RABEP1: variants seen among roughly 807,000 people sequenced by gnomAD.
RABEP1 encodes rab GTPase-binding effector protein 1.
Under a neutral mutation model 123.4 loss-of-function variants are expected in RABEP1, and 51 were observed. The ratio of observed to expected loss-of-function variants is 0.41; its 90% CI spans 0.33 to 0.52. The LOEUF (loss-of-function observed/expected upper bound fraction) is 0.52. RABEP1 is among the 20% of genes least tolerant of loss of function. RABEP1 has a pLI of 0.16. For synonymous variants in RABEP1, 347 were observed against 355.2 expected (o/e 0.98, Z 0.26); for missense variants, 888 against 996.3 (o/e 0.89, Z 1.46).
In RABEP1 at chr17:5,385,533, A is replaced by G. The variant is rs1911885266; in HGVS notation, c.*2310A>G. 4.3e-6 allele frequency: 1 copy of G among 230,986 alleles called. No homozygotes were observed. Among genetic ancestry groups the G allele is most frequent in the Non-Finnish European group, 8.6e-6 (1 of 116,742 alleles). 14.3% of individuals were successfully genotyped at this position (230,986 alleles called of 1,614,324 possible). On this transcript the variant is annotated 3_prime_UTR_variant, in exon 18 of 18. Coordinates refer to ENST00000537505, the MANE Select transcript of RABEP1 (RefSeq NM_004703.6). ...AGATGACTTAAGGTGAAGTGAGGAC[A>G]AAATCACATTCTGCATACTAACCTA...
rs370090458 is a variant in RABEP1, at chr17:5,308,820, A to T, written c.161A>T (p.Glu54Val). The change falls in exon 2 of 18, where the codon GAG becomes GTG. Residue 54 changes from glutamate (E) to valine (V), a missense_variant and splice_region_variant. Coordinates refer to ENST00000537505, the MANE Select transcript of RABEP1 (RefSeq NM_004703.6). The part of the protein sequence containing the change: ...AKFKELYLAK[E>V]EDLKRQNAVL... ...TTTAAGGAGTTATATTTGGCTAAAG[A>T]GGGTAAGTTCATAAGTCTCGCACCA... 1.9e-6 allele frequency: 3 copies of T among 1,607,050 alleles called. No homozygotes were observed. In the African/African-American group the frequency reaches 4.0e-5, roughly 22 times the overall value.
Position 5,383,639 on chromosome 17 carries a change from G to A in RABEP1, c.*416G>A, listed in dbSNP as rs1182410251. 8.1e-6 allele frequency: 2 copies of A among 245,522 alleles called. No homozygotes were observed. The highest frequency in any genetic ancestry group is 1.4e-4 in the South Asian group (1 of 7,054). The allele number at this position is 245,522 out of a possible 1,614,324, so 15.2% of individuals were successfully genotyped here. ...TTTATCTGTTGTCTAGAGCTCATCA[G>A]TAACAGTATTCAGTTAGCAGACAGA... On this transcript the variant is annotated 3_prime_UTR_variant, in exon 18 of 18. Transcript: ENST00000537505.
rs1321734479 is a variant in RABEP1 at position 5,282,535 on chromosome 17, A to G, written c.34+15A>G. The stretch of plus-strand genomic sequence containing the variant: ...CCAGCCTGACGGTGAGGCGCCCACC[A>G]TGGCAGGCGCGGCGGGCGCGGCCTG... On this transcript the variant is annotated intron_variant, in intron 1 of 17. Transcript: ENST00000537505. The G allele has an allele frequency of 5.0e-6, 6 of 1,199,564 alleles. No individual in the cohort carries two copies. The highest frequency in any genetic ancestry group is 4.8e-5 in the African/African-American group (3 of 63,064). The allele number at this position is 1,199,564 out of a possible 1,614,324, so 74.3% of individuals were successfully genotyped here.
intron 1 of RABEP1, among the ~76,000 whole-genome samples, chr17:5,290,741 T>C (rs1246317402): frequency 1.3e-5 from 2 of 152,102 alleles, no homozygotes; most frequent in Non-Finnish European, 2.9e-5. Context: ...TACTCCGTGC[T>C]CATGACCCAG....
rs183856749 is a variant in RABEP1 at position 5,290,705 on chromosome 17, A to G, written c.34+8185A>G. Among the ~76,000 whole-genome samples, 20 of 152,168 alleles carry G rather than the reference A, an allele frequency of 1.3e-4. No homozygotes were observed. The East Asian group carries it at 3.9e-3, about 29-fold the overall frequency. On this transcript the variant is annotated intron_variant, in intron 1 of 17. Coordinates refer to ENST00000537505, the MANE Select transcript of RABEP1 (RefSeq NM_004703.6). ...CCTCCCGGGTTCAAGTGATCCTTTC[A>G]TCTCAGCCTTTGGAGTAGCTGGAAT...
At chr17:5,323,454 T>TA (rs562287619) in intron 2 of RABEP1, among the ~76,000 whole-genome samples, 151 of 152,182 alleles carry the variant, frequency 9.9e-4, no homozygotes, top group African/African-American at 3.4e-3. Context: ...TAGAAAAACT[T>TA]AAAGACACCA....
Position 5,282,329 on chromosome 17 carries a change from C to T in RABEP1, c.-158C>T, listed in dbSNP as rs1002027977. The T allele has an allele frequency of 1.2e-5, 6 of 505,948 alleles. No individual in the cohort carries two copies. Among genetic ancestry groups the T allele is most frequent in the African/African-American group, 6.0e-5 (3 of 50,162 alleles). The allele number at this position is 505,948 out of a possible 1,614,324, so 31.3% of individuals were successfully genotyped here. On this transcript the variant is annotated 5_prime_UTR_variant, in exon 1 of 18. Transcript: ENST00000537505. ...GTCGGCGGTCGGGTCCGTCTCTGCC[C>T]GCGGCTGTGGCGGCGCCGGCGGATC...
rs75869576 is a variant in RABEP1, at chr17:5,377,781, C to T, written c.2216-396C>T. ...ACCTCAGGTGATCTGCCTGCCTCGG[C>T]CTTGCAAATGCTGGGATTACAGTTG... On this transcript the variant is annotated intron_variant, in intron 14 of 17. Transcript: ENST00000537505. Among the ~76,000 whole-genome samples, 10 of 152,140 alleles carry T rather than the reference C, an allele frequency of 6.6e-5. No individual in the cohort carries two copies. In the East Asian group the frequency reaches 1.9e-3, roughly 29 times the overall value.
At chr17:5,321,061 A>G (rs145882331) in intron 2 of RABEP1, among the ~76,000 whole-genome samples, 9 of 152,224 alleles carry the variant, frequency 5.9e-5, no homozygotes, top group Non-Finnish European at 1.2e-4. Context: ...TGTAATCCCA[A>G]TATTTTGGGA....
At chr17:5,299,829 A>C (rs1329922590) in intron 1 of RABEP1, among the ~76,000 whole-genome samples, 1 of 143,522 alleles carries the variant, frequency 7.0e-6, no homozygotes, top group African/African-American at 2.6e-5. Context: ...TCCTGGGTTC[A>C]AGCGATTCTC....
At position 5,373,473 on chromosome 17, in the gene RABEP1, G is replaced by C. The variant is rs1278516837; in HGVS notation, c.2025+19G>C. ...TACAGAGGTAACTTACTTTCCACATGATCAAAAATGTCAACAAGTACGTTT... is the reference window on the plus strand; with the variant it reads ...TACAGAGGTAACTTACTTTCCACATCATCAAAAATGTCAACAAGTACGTTT... On this transcript the variant is annotated intron_variant, in intron 13 of 17. Transcript: ENST00000537505. 6.3e-7 allele frequency: 1 copy of C among 1,576,958 alleles called. No homozygotes were observed. The highest frequency in any genetic ancestry group is 2.3e-5 in the East Asian group (1 of 44,150).
chr17:5,375,944 CTTA>C (rs1910957795), intron 13 of RABEP1, among the ~76,000 whole-genome samples: 1 of 151,942 alleles, frequency 6.6e-6, no homozygotes, highest in South Asian at 2.1e-4. Context: ...GTAATCTCAG[CTTA>C]TTGCAACCTC....
In RABEP1 at chr17:5,368,365, T is replaced by A. The variant is rs1181141734; in HGVS notation, c.1786-5T>A. 1 of 1,597,790 alleles carries A rather than the reference T, an allele frequency of 6.3e-7. No homozygotes were observed. Among genetic ancestry groups the A allele is most frequent in the Non-Finnish European group, 8.6e-7 (1 of 1,169,530 alleles). ...CTATGTTTCTATACATGTGTTTTTT[T>A]AAAGATCTCTGCACTCGTCCTAAGA... On this transcript the variant is annotated splice_region_variant and splice_polypyrimidine_tract_variant and intron_variant, in intron 11 of 17. Coordinates refer to ENST00000537505, the MANE Select transcript of RABEP1 (RefSeq NM_004703.6).
intron 5 of RABEP1, among the ~76,000 whole-genome samples, chr17:5,341,599 GT>G (rs1160615904): frequency 6.6e-6 from 1 of 151,946 alleles, no homozygotes; most frequent in Non-Finnish European, 1.5e-5. Context: ...CTCTCCAACT[GT>G]TTTTATGAGA....
intron 8 of RABEP1, among the ~76,000 whole-genome samples, chr17:5,358,555 A>G (rs1395611111): frequency 2.0e-5 from 3 of 152,040 alleles, no homozygotes; most frequent in East Asian, 3.9e-4. Flanking sequence ...CTGTCGTCCC[A>G]GCTACTCACT....
At chr17:5,306,473 C>T (rs1567871548) in intron 1 of RABEP1, among the ~76,000 whole-genome samples, 1 of 152,036 alleles carries the variant, frequency 6.6e-6, no homozygotes, top group Non-Finnish European at 1.5e-5. Flanking sequence ...ACTAAAAATA[C>T]AAATATTAGC....
intron 11 of RABEP1, among the ~76,000 whole-genome samples, chr17:5,367,393 T>C (rs1472187174): frequency 6.6e-6 from 1 of 151,748 alleles, no homozygotes; most frequent in African/African-American, 2.4e-5. Flanking sequence ...TGCCTCAGCC[T>C]CCTGAGTAGC....
chr17:5,309,756 AG>A (rs1239017981), intron 2 of RABEP1, among the ~76,000 whole-genome samples: 1 of 152,126 alleles, frequency 6.6e-6, no homozygotes, highest in African/African-American at 2.4e-5. Context: ...TTACCTTCTG[AG>A]TATCGACCTA....
chr17:5,331,826 C>A, intron 2 of RABEP1, 123 bp from the exon 3 acceptor site: 1 of 798,044 alleles, frequency 1.3e-6, no homozygotes, highest in South Asian at 1.9e-5. Flanking sequence ...TTAAATCTCA[C>A]CTCTATTAAA....
Sources: allele counts gnomAD v4.1 joint callset (sites outside exome capture counted in the v4.1 genomes callset), GRCh38; gene constraint gnomAD v4.1.1; transcripts MANE v1.5; gene names NCBI Gene and HGNC (gene_info 2026-07-23, HGNC 2026-07-21).